The following CCDC73 variants were observed in gnomAD, a reference collection of about 807,000 sequenced individuals.
The protein encoded by CCDC73 is coiled-coil domain containing 73.
A neutral mutation model predicts 116.5 loss-of-function variants in CCDC73; 95 were observed. The observed-to-expected ratio is 0.82, with a 90% CI of 0.69 to 0.97. The LOEUF (loss-of-function observed/expected upper bound fraction) is 0.97. Ranked by LOEUF, CCDC73 falls within the 50% of genes least tolerant of loss-of-function variation. The probability of loss-of-function intolerance (pLI) is 0.00; values close to 1 mark genes in which losing one functional copy is unlikely to be tolerated. For missense variants in CCDC73, 1,066 were observed against 1,206.8 expected, an observed-to-expected ratio of 0.88 and a Z score of 1.73; for synonymous variants, 398 against 401.3, an observed-to-expected ratio of 0.99 and a Z score of 0.10.
upstream of CCDC73, among the ~76,000 whole-genome samples, chr11:32,796,879 AGGTGCCT>A (rs1400753719): frequency 6.6e-6 from 1 of 152,144 alleles, no homozygotes; most frequent in African/African-American, 2.4e-5. Context: ...GCATGGTGGC[AGGTGCCT>A]GTGTAATCCC....
At chr11:32,674,795 C>A (rs1040969507) in intron 9 of CCDC73, among the ~76,000 whole-genome samples, 2 of 152,104 alleles carry the variant, frequency 1.3e-5, no homozygotes, top group African/African-American at 4.8e-5. Flanking sequence ...TGTTCTCCTG[C>A]CAATTTGGGG....
chr11:32,610,247 T>C (rs1442395645), intron 17 of CCDC73, among the ~76,000 whole-genome samples: 1 of 152,014 alleles, frequency 6.6e-6, no homozygotes, highest in Non-Finnish European at 1.5e-5. Context: ...TCCCACTGGG[T>C]CCCTCCCATG....
At chr11:32,807,448 A>G in the CCDC73 span, among the ~76,000 whole-genome samples, 2 of 152,216 alleles carry the variant, frequency 1.3e-5, no homozygotes, top group Non-Finnish European at 2.9e-5. Context: ...AGAAAGGGCC[A>G]GATAGTAAAT....
At chr11:32,725,906 C>A (rs1464146369) in intron 2 of CCDC73, among the ~76,000 whole-genome samples, 1 of 152,082 alleles carries the variant, frequency 6.6e-6, no homozygotes, top group East Asian at 1.9e-4. Context: ...TCAGGGCCCG[C>A]CAAGGAGGAG....
chr11:32,637,662 A>C (rs1319124196), intron 13 of CCDC73, among the ~76,000 whole-genome samples: 1 of 150,176 alleles, frequency 6.7e-6, no homozygotes, highest in African/African-American at 2.5e-5. Flanking sequence ...ACACACACAC[A>C]CCCCACTCAC....
At chr11:32,767,103 G>A (rs1455470774) in intron 1 of CCDC73, among the ~76,000 whole-genome samples, 2 of 152,138 alleles carry the variant, frequency 1.3e-5, no homozygotes, top group African/African-American at 4.8e-5. Flanking sequence ...AAACAGCATG[G>A]TACTGGTACC....
In CCDC73 at chr11:32,603,033, A is replaced by C; in HGVS notation, c.3031-13T>G. On this transcript the variant is annotated splice_polypyrimidine_tract_variant and intron_variant, in intron 17 of 17. Coordinates refer to ENST00000335185, the MANE Select transcript of CCDC73 (RefSeq NM_001008391.4). ...GCTTTGTTTTCACCTGGGAAAGATA[A>C]ACTAATTTTACCTTCGAAATTATTA... 6.4e-7 allele frequency: 1 copy of C among 1,572,454 alleles called. No homozygotes were observed. The highest frequency in any genetic ancestry group is 8.6e-7 in the Non-Finnish European group (1 of 1,161,442).
chr11:32,728,050 G>C (rs1033505465), intron 2 of CCDC73, among the ~76,000 whole-genome samples: 1 of 151,932 alleles, frequency 6.6e-6, no homozygotes, highest in Non-Finnish European at 1.5e-5. Flanking sequence ...CTATGAGTTT[G>C]AGACTAGTCT....
At chr11:32,743,164 TTAAAG>T (rs1458806186) in intron 2 of CCDC73, among the ~76,000 whole-genome samples, 1 of 152,200 alleles carries the variant, frequency 6.6e-6, no homozygotes. Context: ...CATATGAACT[TTAAAG>T]TAGTTTTTTC....
intron 9 of CCDC73, among the ~76,000 whole-genome samples, chr11:32,656,646 G>A (rs754179494): frequency 6.6e-6 from 1 of 152,210 alleles, no homozygotes; most frequent in Non-Finnish European, 1.5e-5. Flanking sequence ...GGTATAAGCT[G>A]TGATATACAG....
intron 6 of CCDC73, among the ~76,000 whole-genome samples, chr11:32,688,551 G>A (rs987746071): frequency 6.6e-6 from 1 of 152,142 alleles, no homozygotes; most frequent in Admixed American, 6.5e-5. Context: ...TTCCAGTTAT[G>A]TACCAATGTT....
chr11:32,603,029 G>A lies in CCDC73; in HGVS notation c.3031-9C>T. The A allele has an allele frequency of 1.3e-6, 2 of 1,579,294 alleles. No homozygotes were observed. The highest frequency in any genetic ancestry group is 8.6e-7 in the Non-Finnish European group (1 of 1,167,292). ...AGAGGCTTTGTTTTCACCTGGGAAA[G>A]ATAAACTAATTTTACCTTCGAAATT... On this transcript the variant is annotated splice_polypyrimidine_tract_variant and intron_variant, in intron 17 of 17. Coordinates refer to ENST00000335185, the MANE Select transcript of CCDC73 (RefSeq NM_001008391.4).
At chr11:32,636,991 CTCTG>C (rs759934288) in intron 13 of CCDC73, among the ~76,000 whole-genome samples, 3 of 150,132 alleles carry the variant, frequency 2.0e-5, no homozygotes, top group Non-Finnish European at 4.4e-5. Context: ...GACCCAGTTC[CTCTG>C]TCTGTTTCAC....
At chr11:32,688,179 CTCAG>C (rs145056660) in intron 6 of CCDC73, among the ~76,000 whole-genome samples, 154 of 152,208 alleles carry the variant, frequency 1.0e-3, no homozygotes, top group African/African-American at 3.6e-3. Flanking sequence ...CAGATACTAC[CTCAG>C]TCAAATTATC....
intron 2 of CCDC73, among the ~76,000 whole-genome samples, chr11:32,720,333 G>C (rs1156342907): frequency 6.6e-6 from 1 of 152,030 alleles, no homozygotes; most frequent in Non-Finnish European, 1.5e-5. Flanking sequence ...ATCCATTCTT[G>C]ATAAAAACTC....
the CCDC73 span, among the ~76,000 whole-genome samples, chr11:32,827,174 T>A: frequency 6.6e-6 from 1 of 152,112 alleles, no homozygotes; most frequent in African/African-American, 2.4e-5. Flanking sequence ...AAGAATATTA[T>A]AACTTTAAAT....
At chr11:32,683,460 C>G (rs780042597) in intron 7 of CCDC73, 76 bp downstream of exon 7, 2 of 944,774 alleles carry the variant, frequency 2.1e-6, no homozygotes, top group East Asian at 4.8e-5. Context: ...ATAAATGTCA[C>G]ATTTTATTCC....
intron 6 of CCDC73, among the ~76,000 whole-genome samples, chr11:32,693,444 G>C (rs1014874412): frequency 1.3e-5 from 2 of 152,252 alleles, no homozygotes; most frequent in African/African-American, 4.8e-5. Flanking sequence ...CCTGTACTAT[G>C]TTCTGGGTTG....
rs748338674 is a variant in CCDC73, at chr11:32,760,274, G to A, written c.-15-16C>T. ...TATTTATTTCCTGTAATGTAAAAAG[G>A]TCTTAACTGAAAAAAAATTATCTAG... is the stretch of plus-strand genomic sequence containing the variant. On this transcript the variant is annotated splice_polypyrimidine_tract_variant and intron_variant, in intron 1 of 17. Transcript: ENST00000335185. 3 of 1,406,578 alleles carry A rather than the reference G, an allele frequency of 2.1e-6. No individual in the cohort carries two copies. The highest frequency in any genetic ancestry group is 1.7e-5 in the African/African-American group (1 of 57,952). 87.1% of individuals were successfully genotyped at this position (1,406,578 alleles called of 1,614,324 possible). A position where few individuals can be genotyped will look rare whatever the true frequency, so the allele number is the denominator to read the frequency against.
Sources: allele counts gnomAD v4.1 joint callset (sites outside exome capture counted in the v4.1 genomes callset), GRCh38; gene constraint gnomAD v4.1.1; transcripts MANE v1.5; gene names NCBI Gene and HGNC (gene_info 2026-07-23, HGNC 2026-07-21).